ZNF385D: variants seen among roughly 807,000 people sequenced by gnomAD.
ZNF385D encodes the protein zinc finger protein 659.
Under a neutral mutation model 35.8 loss-of-function variants are expected in ZNF385D, and 15 were observed. The ratio of observed to expected loss-of-function variants is 0.42; its 90% CI spans 0.28 to 0.64. ZNF385D has a LOEUF of 0.64. Among genes scored for constraint, ZNF385D ranks in the 30% least tolerant of loss-of-function variants. The probability of loss-of-function intolerance (pLI) is 0.23; values close to 1 mark genes in which losing one functional copy is unlikely to be tolerated. For synonymous variants in ZNF385D, 212 were observed against 186.8 expected, an observed-to-expected ratio of 1.13 and a Z score of -1.10; for missense variants, 474 against 494.6, an observed-to-expected ratio of 0.96 and a Z score of 0.39.
intron 3 of ZNF385D, among the ~76,000 whole-genome samples, chr3:21,979,056 G>C (rs569216932): frequency 7.9e-5 from 12 of 152,162 alleles, no homozygotes; most frequent in Non-Finnish European, 1.2e-4. Context: ...GTGACACTTA[G>C]CACAATAGAA....
intron 3 of ZNF385D, among the ~76,000 whole-genome samples, chr3:22,152,571 C>G (rs79577990): frequency 0.012 from 1,774 of 152,186 alleles, 16 homozygotes; most frequent in South Asian, 0.023. Context: ...TTCCTTGATC[C>G]CTTCCTCCAT....
intron 2 of ZNF385D, among the ~76,000 whole-genome samples, chr3:22,277,737 G>A: frequency 6.6e-6 from 1 of 152,006 alleles, no homozygotes; most frequent in East Asian, 1.9e-4. Context: ...GAAACAACAG[G>A]GAGGCAAATT....
intron 2 of ZNF385D, among the ~76,000 whole-genome samples, chr3:21,615,465 T>C (rs1014221627): frequency 1.2e-4 from 18 of 152,304 alleles, no homozygotes; most frequent in African/African-American, 4.1e-4. Context: ...AACAGTGGTG[T>C]CTCTGAAATG....
intron 3 of ZNF385D, among the ~76,000 whole-genome samples, chr3:21,826,616 A>T (rs1342843640): frequency 6.6e-6 from 1 of 152,168 alleles, no homozygotes; most frequent in African/African-American, 2.4e-5. Context: ...AGAAGCAAGG[A>T]TGTGGTCAGA....
chr3:21,883,637 G>A (rs531095595), intron 3 of ZNF385D, among the ~76,000 whole-genome samples: 1 of 152,140 alleles, frequency 6.6e-6, no homozygotes, highest in South Asian at 2.1e-4. Flanking sequence ...TGCTGGAAAT[G>A]ATGAGAAATG....
rs991222628 is a variant in ZNF385D at position 21,695,721 on chromosome 3, C to A, written c.23-30693G>T. 2.0e-5 allele frequency among the ~76,000 whole-genome samples: 3 copies of A among 151,436 alleles called. 1 individual carries two copies. The highest frequency in any genetic ancestry group is 4.2e-4 in the South Asian group (2 of 4,806). On this transcript the variant is annotated intron_variant, in intron 1 of 7. Coordinates refer to ENST00000281523, the MANE Select transcript of ZNF385D (RefSeq NM_024697.3). ...TTATAATCCTCATAACAATTTTATC[C>A]TTGCTAGTCAAACTGCAGGTGCTGT...
rs1250097164 is a variant in ZNF385D at position 21,886,671 on chromosome 3, G to A, written c.326-221643C>T. Among the ~76,000 whole-genome samples, 3 of 152,102 alleles carry A rather than the reference G, an allele frequency of 2.0e-5. No homozygotes were observed. In the East Asian group the frequency reaches 5.8e-4, roughly 29 times the overall value. Reference sequence around the variant, plus strand: ...AGTGCATCTGTAGAAAGAAATGGAGGTATAGACAGCTGATATATATTTATG... The same window carrying A: ...AGTGCATCTGTAGAAAGAAATGGAGATATAGACAGCTGATATATATTTATG... On this transcript the variant is annotated intron_variant, in intron 3 of 5. Coordinates refer to the ZNF385D transcript ENST00000494108.
chr3:21,644,423 ACACT>A (rs757849328), intron 2 of ZNF385D, among the ~76,000 whole-genome samples: 3 of 152,136 alleles, frequency 2.0e-5, no homozygotes, highest in African/African-American at 7.2e-5. Context: ...ACACACAGTC[ACACT>A]CACTCACACT....
At chr3:21,973,303 T>C (rs570096270) in intron 3 of ZNF385D, among the ~76,000 whole-genome samples, 1 of 151,984 alleles carries the variant, frequency 6.6e-6, no homozygotes, top group Non-Finnish European at 1.5e-5. Context: ...ATCAGTAGAA[T>C]GAAGGACAAC....
At chr3:21,733,943 A>G (rs2069128527) in intron 1 of ZNF385D, among the ~76,000 whole-genome samples, 1 of 152,098 alleles carries the variant, frequency 6.6e-6, no homozygotes. Flanking sequence ...TGGTTTTCAT[A>G]TTTGTCTATT....
intron 3 of ZNF385D, among the ~76,000 whole-genome samples, chr3:22,069,632 C>T (rs892988794): frequency 6.6e-6 from 1 of 152,122 alleles, no homozygotes; most frequent in Admixed American, 6.5e-5. Flanking sequence ...AGAATAAATA[C>T]ATTCTCTCCA....
intron 2 of ZNF385D, among the ~76,000 whole-genome samples, chr3:22,313,089 G>T (rs1370854179): frequency 6.6e-6 from 1 of 152,076 alleles, no homozygotes; most frequent in African/African-American, 2.4e-5. Context: ...ATGAGTTCAT[G>T]TCCTTTGTAG....
chr3:21,475,853 T>C (rs1704203994), intron 4 of ZNF385D, among the ~76,000 whole-genome samples: 1 of 152,146 alleles, frequency 6.6e-6, no homozygotes, highest in African/African-American at 2.4e-5. Context: ...TCTTTTTTTT[T>C]TCTATTGGTA....
Position 21,632,579 on chromosome 3 carries a change from AATAGT to A in ZNF385D, c.165+32302_165+32306del, listed in dbSNP as rs1230607004. 9.9e-5 allele frequency among the ~76,000 whole-genome samples: 15 copies of A among 152,278 alleles called. No individual in the cohort carries two copies. In the South Asian group the frequency reaches 2.9e-3, roughly 29 times the overall value. On this transcript the variant is annotated intron_variant, in intron 2 of 7. Transcript: ENST00000281523. Reference sequence around the variant, plus strand: ...CAGTTAAGGGGGGAAAAGGCAACATAATAGTGTTTTGCTCTGGGAGATTGAACAAT... The same window carrying A: ...CAGTTAAGGGGGGAAAAGGCAACATAGTTTTGCTCTGGGAGATTGAACAAT...
intron 3 of ZNF385D, among the ~76,000 whole-genome samples, chr3:22,003,904 A>G (rs7626891): frequency 0.53 from 80,242 of 151,206 alleles, 22,838 homozygotes; most frequent in African/African-American, 0.74. Flanking sequence ...AAATCCTAAA[A>G]TTCAAATAGA....
Position 21,709,928 on chromosome 3 carries a change from G to A in ZNF385D, c.22+40967C>T, listed in dbSNP as rs558425925. ...TGAAGTGAACAGATTGACAAGCTACGGCACACCCATACGTGGAATTCTTCT... is the reference window on the plus strand; with the variant it reads ...TGAAGTGAACAGATTGACAAGCTACAGCACACCCATACGTGGAATTCTTCT... On this transcript the variant is annotated intron_variant, in intron 1 of 7. Coordinates refer to ENST00000281523, the MANE Select transcript of ZNF385D (RefSeq NM_024697.3). Among the ~76,000 whole-genome samples the A allele has an allele frequency of 2.6e-5, 4 of 152,174 alleles. No homozygotes were observed. The East Asian group carries it at 5.8e-4, about 22-fold the overall frequency.
chr3:21,680,903 C>G (rs143962029), intron 1 of ZNF385D, among the ~76,000 whole-genome samples: 6 of 152,274 alleles, frequency 3.9e-5, no homozygotes, highest in Admixed American at 1.3e-4. Context: ...CCCTTGTAGG[C>G]AAGCCCATAG....
intron 3 of ZNF385D, among the ~76,000 whole-genome samples, chr3:21,764,471 T>A (rs1038140085): frequency 1.3e-5 from 2 of 152,276 alleles, no homozygotes; most frequent in East Asian, 3.9e-4. Context: ...ACATATGCAA[T>A]AATGCTGTAA....
At chr3:21,659,209 C>T (rs185566764) in intron 2 of ZNF385D, among the ~76,000 whole-genome samples, 1 of 152,102 alleles carries the variant, frequency 6.6e-6, no homozygotes, top group Non-Finnish European at 1.5e-5. Context: ...ACCTCTTCTC[C>T]CTCCTCATAC....
Sources: allele counts gnomAD v4.1 joint callset (sites outside exome capture counted in the v4.1 genomes callset), GRCh38; gene constraint gnomAD v4.1.1; transcripts MANE v1.5; gene names NCBI Gene and HGNC (gene_info 2026-07-23, HGNC 2026-07-21).